ARMC9: variants seen among roughly 807,000 people sequenced by gnomAD.
ARMC9 encodes the protein lisH domain-containing protein ARMC9.
ARMC9 carries 94 observed loss-of-function variants against 107.0 expected under a neutral mutation model. That is an observed-to-expected ratio of 0.88 (90% confidence interval 0.74 to 1.04). ARMC9 has a LOEUF of 1.04. ARMC9 is among the 50% of genes least tolerant of loss of function. The pLI, the probability that ARMC9 is intolerant of heterozygous loss-of-function variation, is 0.00. For synonymous variants in ARMC9, 380 were observed against 396.9 expected, an observed-to-expected ratio of 0.96 and a Z score of 0.51; for missense variants, 942 against 1,030.1, an observed-to-expected ratio of 0.91 and a Z score of 1.17.
chr2:231,265,346 A>C (rs2038758893), intron 12 of ARMC9, among the ~76,000 whole-genome samples: 1 of 152,204 alleles, frequency 6.6e-6, no homozygotes, highest in Non-Finnish European at 1.5e-5. Context: ...GAACCAACCT[A>C]AGTGCCCATC....
intron 10 of ARMC9, among the ~76,000 whole-genome samples, chr2:231,257,246 G>C (rs2037911745): frequency 6.6e-6 from 1 of 152,252 alleles, no homozygotes. Flanking sequence ...GTGTTGCACT[G>C]TCTGAATTTA....
At chr2:231,251,148 T>C (rs1389456697) in intron 9 of ARMC9, among the ~76,000 whole-genome samples, 1 of 151,944 alleles carries the variant, frequency 6.6e-6, no homozygotes, top group Non-Finnish European at 1.5e-5. Flanking sequence ...GAGGCCACTT[T>C]TTTCTTTTCT....
At chr2:231,355,709 T>TC in intron 21 of ARMC9, 89 bp from the exon 22 acceptor site, 1 of 1,407,858 alleles carries the variant, frequency 7.1e-7, no homozygotes, top group Non-Finnish European at 9.5e-7. Flanking sequence ...CACCGCCCCC[T>TC]CCTGTATTTG....
chr2:231,221,916 TG>T (rs1353207345), intron 5 of ARMC9, among the ~76,000 whole-genome samples: 1 of 35,966 alleles, frequency 2.8e-5, no homozygotes, highest in Non-Finnish European at 5.5e-5. Flanking sequence ...AATGATTGGG[TG>T]GGGGTGGGAG....
chr2:231,319,591 A>G (rs1274262592), intron 19 of ARMC9, among the ~76,000 whole-genome samples: 1 of 151,770 alleles, frequency 6.6e-6, no homozygotes, highest in Non-Finnish European at 1.5e-5. Flanking sequence ...TCTCCCTTAC[A>G]CTTTGCTGTC....
chr2:231,220,596 CAAAAAAA>C (rs71396668), intron 5 of ARMC9, among the ~76,000 whole-genome samples: 5 of 66,170 alleles, frequency 7.6e-5, no homozygotes, highest in East Asian at 9.7e-4. Context: ...GACTCCATCT[CAAAAAAA>C]AAAAAAAAAA....
At chr2:231,346,907 G>T (rs1400782154) in intron 21 of ARMC9, among the ~76,000 whole-genome samples, 3 of 152,166 alleles carry the variant, frequency 2.0e-5, no homozygotes, top group African/African-American at 7.2e-5. Flanking sequence ...CCTCTTGCTT[G>T]ACATGGGAAA....
In ARMC9 at chr2:231,241,318, C is replaced by G. The variant is rs137875696; in HGVS notation, c.879+1277C>G. 1.2e-3 allele frequency among the ~76,000 whole-genome samples: 183 copies of G among 152,188 alleles called. 4 individuals carry two copies. In the East Asian group the frequency reaches 0.028, roughly 23 times the overall value. On this transcript the variant is annotated intron_variant, in intron 9 of 24. Coordinates refer to ENST00000611582, the MANE Select transcript of ARMC9 (RefSeq NM_001352754.2). ...AAATACGACGTCGGTGATCGTGTGTCCTCCTTAGACTAGCACACCTGAAGG... is the reference window on the plus strand; with the variant it reads ...AAATACGACGTCGGTGATCGTGTGTGCTCCTTAGACTAGCACACCTGAAGG...
chr2:231,340,102 G>A (rs1208094829), intron 20 of ARMC9, among the ~76,000 whole-genome samples: 1 of 152,164 alleles, frequency 6.6e-6, no homozygotes, highest in Non-Finnish European at 1.5e-5. Context: ...CAGAAACGAA[G>A]GGAAAAGAAC....
chr2:231,282,029 A>G (rs768162251), intron 16 of ARMC9, 30 bp from the exon 17 acceptor site: 14 of 1,606,624 alleles, frequency 8.7e-6, no homozygotes, highest in Non-Finnish European at 1.2e-5. Context: ...GAAAACTTGC[A>G]AATAACTGGT....
intron 3 of ARMC9, among the ~76,000 whole-genome samples, chr2:231,211,900 A>C (rs1269035677): frequency 6.6e-6 from 1 of 152,100 alleles, no homozygotes; most frequent in Non-Finnish European, 1.5e-5. Flanking sequence ...AAACTTTCTG[A>C]TTGTCACAAG....
intron 19 of ARMC9, among the ~76,000 whole-genome samples, chr2:231,306,015 T>C (rs946045197): frequency 1.3e-5 from 2 of 152,250 alleles, no homozygotes; most frequent in African/African-American, 4.8e-5. Flanking sequence ...ACACTCCAAC[T>C]TAACTGACAT....
chr2:231,215,116 C>T (rs977732753), intron 4 of ARMC9, 115 bp downstream of exon 4: 113 of 1,230,338 alleles, frequency 9.2e-5, no homozygotes, highest in Non-Finnish European at 1.1e-4. Context: ...ATAATGCTTA[C>T]GAGGTACAGG....
In ARMC9 at chr2:231,262,294, T is replaced by G. The variant is rs149131547; in HGVS notation, c.1027-12T>G. On this transcript the variant is annotated splice_polypyrimidine_tract_variant and intron_variant, in intron 11 of 24. Coordinates refer to ENST00000611582, the MANE Select transcript of ARMC9 (RefSeq NM_001352754.2). ...ACTTAGGTCTCACTACTTTTGTTTTTCTTTGCTCCAGCGCTTGACCACATC... is the reference window on the plus strand; with the variant it reads ...ACTTAGGTCTCACTACTTTTGTTTTGCTTTGCTCCAGCGCTTGACCACATC... The G allele has an allele frequency of 3.9e-4, 636 of 1,614,040 alleles. 2 individuals are homozygous for G. In the African/African-American group the frequency reaches 7.8e-3, roughly 20 times the overall value.
intron 9 of ARMC9, 54 bp from the exon 10 acceptor site, chr2:231,256,532 G>A: frequency 1.3e-6 from 2 of 1,586,738 alleles, no homozygotes; most frequent in Non-Finnish European, 1.7e-6. Flanking sequence ...TGGGATCCGT[G>A]CATTGCTATC....
chr2:231,279,866 A>G (rs2040070842), intron 16 of ARMC9, among the ~76,000 whole-genome samples: 1 of 151,874 alleles, frequency 6.6e-6, no homozygotes, highest in Admixed American at 6.6e-5. Flanking sequence ...TTCACATTTT[A>G]CACCAGCCCT....
At chr2:231,270,570 G>A in intron 12 of ARMC9, 1 of 469,290 alleles carries the variant, frequency 2.1e-6, no homozygotes, top group East Asian at 6.9e-5. Context: ...CGTTTCTCGT[G>A]CTGTTCTCTC....
At chr2:231,272,863 A>T (rs1473482542) in intron 13 of ARMC9, 92 bp from the exon 14 acceptor site, 4 of 1,473,928 alleles carry the variant, frequency 2.7e-6, no homozygotes, top group Non-Finnish European at 3.7e-6. Context: ...ACTGTGTTAT[A>T]TGCAAAGTAA....
At chr2:231,332,165 C>T (rs1244716443) in intron 20 of ARMC9, among the ~76,000 whole-genome samples, 1 of 152,152 alleles carries the variant, frequency 6.6e-6, no homozygotes, top group African/African-American at 2.4e-5. Context: ...AGAAGATATG[C>T]CTGGCCCCAG....
Sources: gnomAD v4.1 joint callset for allele counts (sites outside exome capture counted in the v4.1 genomes callset) on GRCh38, gnomAD v4.1.1 for gene constraint, MANE v1.5 for transcripts, NCBI Gene and HGNC (gene_info 2026-07-23, HGNC 2026-07-21) for gene names.